The following GALNT13 variants were observed in gnomAD, a reference collection of about 807,000 sequenced individuals.
GALNT13 encodes the protein polypeptide N-acetylgalactosaminyltransferase 13.
GALNT13 carries 28 observed loss-of-function variants against 64.2 expected under a neutral mutation model. The observed-to-expected ratio is 0.44, with a 90% CI of 0.32 to 0.60. The LOEUF is 0.60. GALNT13 is among the 20% of genes least tolerant of loss of function. The probability of loss-of-function intolerance (pLI) is 0.05; values close to 1 mark genes in which losing one functional copy is unlikely to be tolerated. For synonymous variants in GALNT13, 214 were observed against 224.6 expected, an observed-to-expected ratio of 0.95 and a Z score of 0.42; for missense variants, 577 against 669.8, an observed-to-expected ratio of 0.86 and a Z score of 1.53.
chr2:154,286,080 T>C (rs1359292793), intron 8 of GALNT13, among the ~76,000 whole-genome samples: 1 of 152,206 alleles, frequency 6.6e-6, no homozygotes, highest in Non-Finnish European at 1.5e-5. Flanking sequence ...TAACAGTTTT[T>C]TTGGTGGAGC....
the GALNT13 span, among the ~76,000 whole-genome samples, chr2:153,188,787 T>C: frequency 2.1e-4 from 32 of 152,182 alleles, no homozygotes; most frequent in Non-Finnish European, 4.1e-4. Flanking sequence ...AGCATAATTA[T>C]AATTTGTTGT....
the GALNT13 span, among the ~76,000 whole-genome samples, chr2:153,299,120 T>C: frequency 6.6e-6 from 1 of 152,212 alleles, no homozygotes; most frequent in South Asian, 2.1e-4. Context: ...AGGTTTCTTT[T>C]GTATTTTATG....
At chr2:154,319,654 G>A (rs1694516182) in intron 9 of GALNT13, among the ~76,000 whole-genome samples, 1 of 144,596 alleles carries the variant, frequency 6.9e-6, no homozygotes, top group African/African-American at 2.5e-5. Context: ...GACAAAGCAA[G>A]ACTCTGAAAA....
intron 3 of GALNT13, among the ~76,000 whole-genome samples, chr2:154,116,616 A>T (rs1369758242): frequency 6.6e-6 from 1 of 152,160 alleles, no homozygotes; most frequent in Non-Finnish European, 1.5e-5. Flanking sequence ...AGAGTCACTA[A>T]ACTCCTTGCC....
chr2:153,937,425 A>C (rs1278943717), intron 2 of GALNT13, among the ~76,000 whole-genome samples: 1 of 152,224 alleles, frequency 6.6e-6, no homozygotes, highest in Non-Finnish European at 1.5e-5. Flanking sequence ...AAACATTCAA[A>C]ATAGGAAAAT....
chr2:153,104,722 GA>G, the GALNT13 span, among the ~76,000 whole-genome samples: 1 of 152,044 alleles, frequency 6.6e-6, no homozygotes, highest in East Asian at 1.9e-4. Context: ...GGCTGTGAAA[GA>G]AAAAATATTC....
At chr2:153,809,952 T>C in the GALNT13 span, among the ~76,000 whole-genome samples, 1 of 152,034 alleles carries the variant, frequency 6.6e-6, no homozygotes, top group African/African-American at 2.4e-5. Flanking sequence ...TAACATTTCT[T>C]TGTTTTTTGT....
the GALNT13 span, among the ~76,000 whole-genome samples, chr2:153,168,213 A>T: frequency 6.6e-6 from 1 of 152,344 alleles, no homozygotes; most frequent in East Asian, 1.9e-4. Flanking sequence ...CAGAATTTGC[A>T]TTCTTGTCAG....
intron 3 of GALNT13, among the ~76,000 whole-genome samples, chr2:154,135,646 C>G (rs1039730034): frequency 8.5e-5 from 13 of 152,086 alleles, no homozygotes; most frequent in Admixed American, 7.2e-4. Context: ...CAAGTATATA[C>G]TGAATCCCCT....
chr2:154,306,997 T>G (rs1416300674), intron 9 of GALNT13, among the ~76,000 whole-genome samples: 1 of 152,046 alleles, frequency 6.6e-6, no homozygotes, highest in Non-Finnish European at 1.5e-5. Flanking sequence ...TGTTATTTTT[T>G]TTTTTTTTAG....
At chr2:153,809,198 A>G in the GALNT13 span, among the ~76,000 whole-genome samples, 3 of 152,208 alleles carry the variant, frequency 2.0e-5, no homozygotes, top group South Asian at 2.1e-4. Flanking sequence ...TCTTTTTATC[A>G]TCGAATCTTT....
the GALNT13 span, among the ~76,000 whole-genome samples, chr2:153,789,867 C>T: frequency 6.6e-6 from 1 of 152,052 alleles, no homozygotes; most frequent in Non-Finnish European, 1.5e-5. Flanking sequence ...ATACACCCTC[C>T]TGAGACTGAA....
At chr2:154,245,786 A>G (rs1424861639) in intron 6 of GALNT13, 26 bp from the exon 7 acceptor site, 7 of 1,482,190 alleles carry the variant, frequency 4.7e-6, no homozygotes, top group Non-Finnish European at 5.6e-6. Context: ...TCATGTGTCT[A>G]TAAATTGGTT....
chr2:154,427,339 C>A (rs920189421), intron 11 of GALNT13, among the ~76,000 whole-genome samples: 1 of 152,114 alleles, frequency 6.6e-6, no homozygotes, highest in Non-Finnish European at 1.5e-5. Context: ...TACCTACCTG[C>A]GGTACAATGG....
At chr2:154,123,674 G>T (rs1682090511) in intron 3 of GALNT13, among the ~76,000 whole-genome samples, 1 of 151,904 alleles carries the variant, frequency 6.6e-6, no homozygotes, top group Non-Finnish European at 1.5e-5. Context: ...ATAAAGTTAA[G>T]AAATGTACTA....
chr2:154,296,654 G>A (rs2105972633), intron 8 of GALNT13, among the ~76,000 whole-genome samples: 1 of 152,244 alleles, frequency 6.6e-6, no homozygotes, highest in Middle Eastern at 3.4e-3. Context: ...GAGAGAGAGA[G>A]GAATACAAAT....
At chr2:154,088,683 C>T (rs1429501681) in intron 3 of GALNT13, among the ~76,000 whole-genome samples, 2 of 152,102 alleles carry the variant, frequency 1.3e-5, no homozygotes, top group African/African-American at 2.4e-5. Flanking sequence ...GAACTCCTGA[C>T]GTCAGGCGAT....
At chr2:153,486,879 C>T in the GALNT13 span, among the ~76,000 whole-genome samples, 1 of 152,184 alleles carries the variant, frequency 6.6e-6, no homozygotes, top group South Asian at 2.1e-4. Context: ...TGCTTATAAT[C>T]TTCCATTTCA....
intron 10 of GALNT13, 85 bp downstream of exon 10, chr2:154,396,215 GA>G: frequency 1.2e-6 from 1 of 835,602 alleles, no homozygotes; most frequent in East Asian, 2.9e-5. Context: ...TTTATGTTAT[GA>G]AAATGCTGTA....
Sources: allele counts gnomAD v4.1 joint callset (sites outside exome capture counted in the v4.1 genomes callset), GRCh38; gene constraint gnomAD v4.1.1; transcripts MANE v1.5; gene names NCBI Gene and HGNC (gene_info 2026-07-23, HGNC 2026-07-21).